SMN2: variants seen among roughly 807,000 people sequenced by gnomAD.
SMN2 encodes the protein survival of motor neuron 2, centromeric.
A neutral mutation model predicts 2.8 loss-of-function variants in SMN2; 1 was observed. That is an observed-to-expected ratio of 0.35 (90% confidence interval 0.13 to 1.68). The LOEUF is 1.68. Ranked by LOEUF, SMN2 falls within the 40% of genes most tolerant of loss-of-function variation. The pLI, the probability that SMN2 is intolerant of heterozygous loss-of-function variation, is 0.35. For synonymous variants in SMN2, 5 were observed against 5.0 expected, an observed-to-expected ratio of 0.99 and a Z score of 0.01; for missense variants, 12 against 16.9, an observed-to-expected ratio of 0.71 and a Z score of 0.51.
chr5:70,083,679 A>G, the SMN2 span, among the ~76,000 whole-genome samples: 1 of 133,670 alleles, frequency 7.5e-6, no homozygotes, highest in Middle Eastern at 3.5e-3. Context: ...GGAAATCATC[A>G]TTCTCAGTAA....
intron 1 of SMN2, among the ~76,000 whole-genome samples, chr5:70,053,055 TAATA>T (rs1227243206): frequency 5.2e-5 from 2 of 38,692 alleles, no homozygotes; most frequent in Non-Finnish European, 1.0e-4. Context: ...TTATTGGTTA[TAATA>T]AATAAATACA....
the SMN2 span, among the ~76,000 whole-genome samples, chr5:70,084,970 TCA>T: frequency 1.4e-5 from 2 of 138,366 alleles, 1 homozygote; most frequent in East Asian, 4.1e-4. Flanking sequence ...TGAACAGTGC[TCA>T]GTTTTTTGTG....
chr5:70,052,854 C>T (rs1173896332), intron 1 of SMN2, among the ~76,000 whole-genome samples: 1 of 117,566 alleles, frequency 8.5e-6, no homozygotes, highest in African/African-American at 3.0e-5. Flanking sequence ...TGTACTCCAT[C>T]CTGGGCGACA....
At chr5:70,083,876 A>G in the SMN2 span, among the ~76,000 whole-genome samples, 3 of 130,638 alleles carry the variant, frequency 2.3e-5, 1 homozygote, top group Non-Finnish European at 4.6e-5. Context: ...TTGGTGCAGC[A>G]CACCAGCATG....
At chr5:70,084,211 G>A in the SMN2 span, among the ~76,000 whole-genome samples, 8 of 63,160 alleles carry the variant, frequency 1.3e-4, no homozygotes, top group Non-Finnish European at 2.3e-4. Context: ...TTTTGATACG[G>A]AGTCTTGCTC....
Position 70,052,831 on chromosome 5 carries a change from G to A in SMN2, c.81+3065G>A, listed in dbSNP as rs1466853455. 7.4e-3 allele frequency among the ~76,000 whole-genome samples: 723 copies of A among 97,980 alleles called. 13 individuals carry two copies. The highest frequency in any genetic ancestry group is 0.013 in the Non-Finnish European group (584 of 44,536). 64.3% of individuals were successfully genotyped at this position (97,980 alleles called of 152,430 possible). ...CGGGATGTGGAGTTTGCAGTGACCC[G>A]AGATCGTGCCACTGTACTCCATCCT... is the stretch of plus-strand genomic sequence containing the variant. On this transcript the variant is annotated intron_variant, in intron 1 of 8. Coordinates refer to ENST00000380743, the MANE Select transcript of SMN2 (RefSeq NM_017411.4).
At chr5:70,074,584 G>T (rs1218927739) in intron 7 of SMN2, among the ~76,000 whole-genome samples, 1 of 125,976 alleles carries the variant, frequency 7.9e-6, no homozygotes, top group African/African-American at 2.9e-5. Context: ...TGGAGGTTGC[G>T]GTGAGCCGAG....
chr5:70,074,980 G>A (rs1229082802), intron 7 of SMN2, among the ~76,000 whole-genome samples: 3 of 124,350 alleles, frequency 2.4e-5, no homozygotes, highest in Non-Finnish European at 3.4e-5. Flanking sequence ...CAACAAGAGC[G>A]AAACTCCGTC....
chr5:70,076,432 T>C, intron 7 of SMN2, 89 bp from the exon 8 acceptor site: 1 of 704,620 alleles, frequency 1.4e-6, no homozygotes. Context: ...TGAAACAAAA[T>C]GCTTTTTAAC....
downstream of SMN2, among the ~76,000 whole-genome samples, chr5:70,081,771 A>G (rs796088067): frequency 9.2e-4 from 37 of 40,094 alleles, 1 homozygote; most frequent in Middle Eastern, 0.012. Flanking sequence ...GGCTGAGACA[A>G]TGGGGTTTTC....
chr5:70,077,924 A>G, downstream of SMN2: 1 of 117,772 alleles, frequency 8.5e-6, no homozygotes, highest in Non-Finnish European at 1.7e-5. Context: ...TTTAGTAGAG[A>G]TGGAGTTTCA....
At position 70,075,069 on chromosome 5, in the gene SMN2, C is replaced by T. The variant is rs1419575822; in HGVS notation, c.835-1452C>T. ...TTTAAGATGGAGTTTTGCCCTGTCACCCAGGCTGGGGTGCAATGGTGCAAT... is the reference window on the plus strand; with the variant it reads ...TTTAAGATGGAGTTTTGCCCTGTCATCCAGGCTGGGGTGCAATGGTGCAAT... On this transcript the variant is annotated intron_variant, in intron 7 of 8. Transcript: ENST00000380743. 4.0e-4 allele frequency among the ~76,000 whole-genome samples: 49 copies of T among 121,666 alleles called. 10 individuals are homozygous for T. The highest frequency in any genetic ancestry group is 1.7e-3 in the African/African-American group (48 of 28,634). 79.8% of individuals were successfully genotyped at this position (121,666 alleles called of 152,430 possible). A position where few individuals can be genotyped will look rare whatever the true frequency, so the allele number is the denominator to read the frequency against.
the SMN2 span, among the ~76,000 whole-genome samples, chr5:70,084,802 A>G: frequency 7.4e-6 from 1 of 135,540 alleles, no homozygotes. Flanking sequence ...TTTACAGTCA[A>G]TTCTCTTTAT....
At chr5:70,083,586 A>G in the SMN2 span, among the ~76,000 whole-genome samples, 3 of 136,972 alleles carry the variant, frequency 2.2e-5, no homozygotes, top group Non-Finnish European at 4.6e-5. Context: ...GATTAAGAAA[A>G]TATGGCACAT....
chr5:70,076,388 A>G (rs1375563477), intron 7 of SMN2, 133 bp from the exon 8 acceptor site: 2 of 490,252 alleles, frequency 4.1e-6, no homozygotes, highest in Non-Finnish European at 7.3e-6. Context: ...ATTTCTGATC[A>G]TATTTTGTTG....
the SMN2 span, among the ~76,000 whole-genome samples, chr5:70,083,893 G>A: frequency 7.8e-6 from 1 of 128,162 alleles, no homozygotes; most frequent in Non-Finnish European, 1.6e-5. Flanking sequence ...CATGGCACAT[G>A]TATACATATG....
At chr5:70,079,431 C>CAA (rs58866189), downstream of SMN2, among the ~76,000 whole-genome samples, 3,376 of 102,830 alleles carry the variant, frequency 0.033, 7 homozygotes, top group African/African-American at 0.041. Flanking sequence ...GACTCCGTCT[C>CAA]AAAAAAAAAA....
At chr5:70,083,684 C>CAGT in the SMN2 span, among the ~76,000 whole-genome samples, 2 of 132,594 alleles carry the variant, frequency 1.5e-5, 1 homozygote, top group Non-Finnish European at 3.1e-5. Context: ...TCATCATTCT[C>CAGT]AGTAAACTAT....
intron 7 of SMN2, 180 bp downstream of exon 7, chr5:70,070,931 A>AT (rs1446779994): frequency 1.3e-5 from 1 of 77,018 alleles, no homozygotes; most frequent in Non-Finnish European, 2.6e-5. Context: ...ATTTTAGTTA[A>AT]TTTTAAAAAG....
Sources: allele counts gnomAD v4.1 joint callset (sites outside exome capture counted in the v4.1 genomes callset), GRCh38; gene constraint gnomAD v4.1.1; transcripts MANE v1.5; gene names NCBI Gene and HGNC (gene_info 2026-07-23, HGNC 2026-07-21).